Variants in SLC35F1 observed in about 807,000 individuals in gnomAD.
SLC35F1 encodes the protein solute carrier family 35 member F1.
Under a neutral mutation model 48.7 loss-of-function variants are expected in SLC35F1, and 14 were observed. The observed-to-expected ratio is 0.29, with a 90% CI of 0.19 to 0.45. The LOEUF is 0.45. Ranked by LOEUF, SLC35F1 falls within the 20% of genes least tolerant of loss-of-function variation. The pLI, the probability that SLC35F1 is intolerant of heterozygous loss-of-function variation, is 1.00. For synonymous variants in SLC35F1, 190 were observed against 202.2 expected, an observed-to-expected ratio of 0.94 and a Z score of 0.51; for missense variants, 404 against 500.0, an observed-to-expected ratio of 0.81 and a Z score of 1.83.
At chr6:118,105,163 T>G (rs1773311634) in intron 1 of SLC35F1, among the ~76,000 whole-genome samples, 1 of 152,194 alleles carries the variant, frequency 6.6e-6, no homozygotes, top group African/African-American at 2.4e-5. Flanking sequence ...CCTTCTGTAG[T>G]GAACATGCCA....
intron 1 of SLC35F1, among the ~76,000 whole-genome samples, chr6:117,960,988 G>T (rs1022428443): frequency 1.3e-5 from 2 of 151,988 alleles, no homozygotes; most frequent in African/African-American, 4.8e-5. Context: ...TGACTAGCTT[G>T]GTACTACTTA....
chr6:118,044,936 G>A (rs1772279130), intron 1 of SLC35F1, among the ~76,000 whole-genome samples: 1 of 152,114 alleles, frequency 6.6e-6, no homozygotes. Context: ...TAGGAGAAAG[G>A]AAGTTTGGGA....
rs576446797 is a variant in SLC35F1, at chr6:118,235,719, C to T, written c.477+83C>T. 3 of 1,409,286 alleles carry T rather than the reference C, an allele frequency of 2.1e-6. No homozygotes were observed. The Admixed American group carries it at 5.9e-5, about 28-fold the overall frequency. 87.3% of individuals were successfully genotyped at this position (1,409,286 alleles called of 1,614,324 possible). ...AGTTTAGTCCTTGAAAATCTCTATA[C>T]TACAAGTTACTATCTGTATACTATA... On this transcript the variant is annotated intron_variant, in intron 3 of 7. Coordinates refer to ENST00000360388, the MANE Select transcript of SLC35F1 (RefSeq NM_001029858.4).
Position 118,235,608 on chromosome 6 carries a change from A to G in SLC35F1, c.449A>G (p.Tyr150Cys). Residue 150 changes from tyrosine to cysteine, a missense_variant, in exon 3 of 8, where the codon TAC (tyrosine) becomes TGC (cysteine). By Grantham distance (194) the Tyr-to-Cys change is radical (BLOSUM62 -2). This residue lies in a region of SLC35F1 where 306 missense variants were observed against 419.1 expected (regional missense o/e 0.73). Transcript: ENST00000360388. ...GCAAATTATCTGGTGGTCAAGGCTT[A>G]CCAATACACAACTCTGACCAGTATC... ...LEANYLVVKA[Y>C]QYTTLTSIQL... 1 of 1,613,524 alleles carries G rather than the reference A, an allele frequency of 6.2e-7. No homozygotes were observed.
At chr6:118,061,590 G>GTGTATATA (rs911818102) in intron 1 of SLC35F1, among the ~76,000 whole-genome samples, 17 of 144,386 alleles carry the variant, frequency 1.2e-4, no homozygotes, top group Non-Finnish European at 2.3e-4. Context: ...GTGTGTGTGT[G>GTGTATATA]TATATATATA....
At chr6:118,200,667 C>T (rs1031154817) in intron 2 of SLC35F1, among the ~76,000 whole-genome samples, 2 of 152,148 alleles carry the variant, frequency 1.3e-5, no homozygotes, top group Non-Finnish European at 2.9e-5. Flanking sequence ...CTACATATTT[C>T]TGTTATACCC....
At chr6:118,028,316 C>T (rs941031697) in intron 1 of SLC35F1, among the ~76,000 whole-genome samples, 4 of 151,986 alleles carry the variant, frequency 2.6e-5, no homozygotes, top group South Asian at 2.1e-4. Flanking sequence ...TTTTTATCTG[C>T]AGCCTTTTTC....
intron 3 of SLC35F1, among the ~76,000 whole-genome samples, chr6:118,245,073 C>A (rs937884104): frequency 1.3e-5 from 2 of 152,212 alleles, no homozygotes. Context: ...GATCCCCTCT[C>A]CGAAGAAGCT....
chr6:118,148,186 A>G (rs1774003546), intron 1 of SLC35F1, among the ~76,000 whole-genome samples: 1 of 152,200 alleles, frequency 6.6e-6, no homozygotes, highest in Admixed American at 6.5e-5. Context: ...TTTCCTGAGA[A>G]TAGTTATCAG....
chr6:118,307,004 CA>C (rs1214906715), intron 7 of SLC35F1, among the ~76,000 whole-genome samples: 1 of 152,194 alleles, frequency 6.6e-6, no homozygotes, highest in Non-Finnish European at 1.5e-5. Flanking sequence ...CCTCATAAAC[CA>C]AACTGGGATA....
In SLC35F1 at chr6:117,907,486, G is replaced by C. The variant is rs1482874993; in HGVS notation, c.-241G>C. The C allele has an allele frequency of 1.2e-5, 3 of 251,030 alleles. No homozygotes were observed. The highest frequency in any genetic ancestry group is 3.0e-4 in the South Asian group (2 of 6,636). 15.6% of individuals were successfully genotyped at this position (251,030 alleles called of 1,614,324 possible). On this transcript the variant is annotated 5_prime_UTR_variant, in exon 1 of 8. Coordinates refer to ENST00000360388, the MANE Select transcript of SLC35F1 (RefSeq NM_001029858.4). ...CGCGGCTCGGGAAGAGCCGGGGCGG[G>C]CGGCGGCGGCGGCGGCACGGGCGCG...
chr6:118,182,325 A>C (rs554144040), intron 2 of SLC35F1, among the ~76,000 whole-genome samples: 20 of 146,062 alleles, frequency 1.4e-4, no homozygotes, highest in Admixed American at 1.3e-3. Context: ...AAAAAGAAAA[A>C]TTTTTTTTTT....
intron 1 of SLC35F1, among the ~76,000 whole-genome samples, chr6:118,104,692 G>A (rs1273752460): frequency 2.6e-5 from 4 of 152,072 alleles, no homozygotes; most frequent in Non-Finnish European, 4.4e-5. Context: ...TCTCATCATC[G>A]TTATCTTGAA....
intron 7 of SLC35F1, among the ~76,000 whole-genome samples, chr6:118,294,764 G>C (rs368896416): frequency 3.0e-4 from 46 of 151,968 alleles, no homozygotes; most frequent in African/African-American, 1.0e-3. Flanking sequence ...GAAGATATGG[G>C]CTCCATAAAA....
At chr6:118,173,902 G>T (rs1317331213) in intron 2 of SLC35F1, among the ~76,000 whole-genome samples, 1 of 152,220 alleles carries the variant, frequency 6.6e-6, no homozygotes, top group Non-Finnish European at 1.5e-5. Context: ...AAGCGTAGTT[G>T]TAAAGTGCAG....
intron 1 of SLC35F1, among the ~76,000 whole-genome samples, chr6:118,106,053 C>G (rs3924525): frequency 0.42 from 64,538 of 151,896 alleles, 14,241 homozygotes; most frequent in East Asian, 0.72. Context: ...ACTTTGTAGA[C>G]AAATTGGTAG....
intron 1 of SLC35F1, among the ~76,000 whole-genome samples, chr6:117,969,386 GA>G (rs1349770444): frequency 1.3e-5 from 2 of 152,100 alleles, no homozygotes; most frequent in African/African-American, 4.8e-5. Context: ...TTGTAAAAAA[GA>G]AAACATTCAC....
rs1562238812 is a variant in SLC35F1 at position 117,923,698 on chromosome 6, T to TAC, written c.173+15801_173+15802dup. 6.2e-3 allele frequency among the ~76,000 whole-genome samples: 676 copies of TAC among 108,180 alleles called. 229 individuals carry two copies. Among genetic ancestry groups the TAC allele is most frequent in the Admixed American group, 0.013 (116 of 9,252 alleles). 71.0% of individuals were successfully genotyped at this position (108,180 alleles called of 152,430 possible). A position where few individuals can be genotyped will look rare whatever the true frequency, so the allele number is the denominator to read the frequency against. On this transcript the variant is annotated intron_variant, in intron 1 of 7. Coordinates refer to ENST00000360388, the MANE Select transcript of SLC35F1 (RefSeq NM_001029858.4). ...ATGTACATATATACATATGTACATA[T>TAC]ACATATATGTACATATATACATATA...
chr6:117,983,169 T>C (rs1018855428), intron 1 of SLC35F1, among the ~76,000 whole-genome samples: 2 of 152,230 alleles, frequency 1.3e-5, no homozygotes, highest in African/African-American at 4.8e-5. Context: ...AATAGACTTG[T>C]CATTGTATTC....
Sources: allele counts gnomAD v4.1 joint callset (sites outside exome capture counted in the v4.1 genomes callset), GRCh38; gene constraint gnomAD v4.1.1; regional missense constraint gnomAD v4.1.1; transcripts MANE v1.5; gene names NCBI Gene and HGNC (gene_info 2026-07-23, HGNC 2026-07-21).